The following MSI2 variants were observed in gnomAD, a reference collection of about 807,000 sequenced individuals.
The protein encoded by MSI2 is musashi RNA binding protein 2, also known as RNA-binding protein Musashi homolog 2.
Under a neutral mutation model 45.6 loss-of-function variants are expected in MSI2, and 17 were observed. The observed-to-expected ratio is 0.37, with a 90% CI of 0.26 to 0.56. The LOEUF is 0.56. Among genes scored for constraint, MSI2 ranks in the 20% least tolerant of loss-of-function variants. The pLI is 0.77. For synonymous variants in MSI2, 156 were observed against 158.2 expected (o/e 0.99, Z 0.11); for missense variants, 293 against 444.2 (o/e 0.66, Z 3.06).
At chr17:57,355,339 ATTGGCC>A (rs1916336487) in intron 5 of MSI2, among the ~76,000 whole-genome samples, 1 of 152,148 alleles carries the variant, frequency 6.6e-6, no homozygotes, top group South Asian at 2.1e-4. Context: ...AAGTTCCCTG[ATTGGCC>A]TTGCTTAGGT....
intron 10 of MSI2, among the ~76,000 whole-genome samples, chr17:57,649,224 A>G (rs1456332341): frequency 6.6e-6 from 1 of 151,990 alleles, no homozygotes; most frequent in East Asian, 1.9e-4. Context: ...ACACACACCC[A>G]ATACATACAT....
intron 6 of MSI2, among the ~76,000 whole-genome samples, chr17:57,446,228 C>T (rs1234899092): frequency 6.6e-6 from 1 of 152,072 alleles, no homozygotes; most frequent in African/African-American, 2.4e-5. Context: ...CATCCAAGGA[C>T]AGGGAGAACG....
chr17:57,365,344 C>T (rs1211513547), intron 5 of MSI2, among the ~76,000 whole-genome samples: 1 of 152,198 alleles, frequency 6.6e-6, no homozygotes, highest in Non-Finnish European at 1.5e-5. Flanking sequence ...GTTATTTCAT[C>T]CATTCGTTTG....
chr17:57,524,633 G>T (rs1000449092), intron 6 of MSI2, among the ~76,000 whole-genome samples: 3 of 152,204 alleles, frequency 2.0e-5, no homozygotes, highest in Non-Finnish European at 4.4e-5. Flanking sequence ...TTCATCGGGT[G>T]CAGGGCAAGT....
chr17:57,302,064 C>G (rs1598093010), intron 5 of MSI2, among the ~76,000 whole-genome samples: 1 of 152,188 alleles, frequency 6.6e-6, no homozygotes, highest in African/African-American at 2.4e-5. Flanking sequence ...CTAGCATTTC[C>G]CTAATCACTA....
intron 5 of MSI2, among the ~76,000 whole-genome samples, chr17:57,304,361 A>G (rs1327446468): frequency 6.7e-6 from 1 of 150,290 alleles, no homozygotes; most frequent in Non-Finnish European, 1.5e-5. Context: ...TGTCTCCAAA[A>G]AAAAAAAAAA....
chr17:57,343,322 CTT>C (rs555791940), intron 5 of MSI2, among the ~76,000 whole-genome samples: 17 of 142,468 alleles, frequency 1.2e-4, no homozygotes, highest in Admixed American at 7.0e-5. Flanking sequence ...CTCCCTTTTG[CTT>C]TTTTTTTTTT....
intron 5 of MSI2, among the ~76,000 whole-genome samples, chr17:57,327,117 T>G (rs1340544509): frequency 6.6e-6 from 1 of 152,106 alleles, no homozygotes; most frequent in Non-Finnish European, 1.5e-5. Flanking sequence ...TCTAAAAAGA[T>G]GACAAACCAC....
Position 57,684,274 on chromosome 17 carries a change from A to C in MSI2, c.*4757A>C, listed in dbSNP as rs1334515601. On this transcript the variant is annotated 3_prime_UTR_variant, in exon 14 of 14. Transcript: ENST00000284073. The stretch of plus-strand genomic sequence containing the variant: ...GTTCATGGTGTATTGTAAACTCCGA[A>C]TTCCATATGTAATAGGATGCAAGTC... 1.5e-5 allele frequency: 3 copies of C among 203,654 alleles called. No homozygotes were observed. Among genetic ancestry groups the C allele is most frequent in the Non-Finnish European group, 2.0e-5 (2 of 99,252 alleles). The allele number at this position is 203,654 out of a possible 1,614,324, so 12.6% of individuals were successfully genotyped here.
intron 6 of MSI2, among the ~76,000 whole-genome samples, chr17:57,412,885 G>C (rs2084222982): frequency 6.6e-6 from 1 of 152,210 alleles, no homozygotes; most frequent in South Asian, 2.1e-4. Context: ...CCTTGGGCAG[G>C]TCATTTAACT....
At chr17:57,405,161 T>A (rs983168481) in intron 6 of MSI2, among the ~76,000 whole-genome samples, 2 of 152,148 alleles carry the variant, frequency 1.3e-5, no homozygotes, top group East Asian at 1.9e-4. Flanking sequence ...GATGGGTTGT[T>A]CCTTTGCTGG....
At chr17:57,609,002 C>T (rs1906958063) in intron 8 of MSI2, among the ~76,000 whole-genome samples, 1 of 152,172 alleles carries the variant, frequency 6.6e-6, no homozygotes, top group Non-Finnish European at 1.5e-5. Context: ...GTATGTGTGA[C>T]ATGTGGTCTC....
chr17:57,630,772 C>T (rs1909293415), intron 10 of MSI2: 1 of 152,266 alleles, frequency 6.6e-6, no homozygotes, highest in South Asian at 2.1e-4. Flanking sequence ...CCCTCTAGAA[C>T]CAAACTTGAT....
chr17:57,676,233 C>T (rs186144278), intron 12 of MSI2, among the ~76,000 whole-genome samples: 41 of 152,326 alleles, frequency 2.7e-4, no homozygotes, highest in Admixed American at 1.7e-3. Context: ...CTCACACGCA[C>T]GCATGCATGC....
At chr17:57,633,515 G>A (rs1909592393) in intron 10 of MSI2, among the ~76,000 whole-genome samples, 1 of 152,262 alleles carries the variant, frequency 6.6e-6, no homozygotes, top group African/African-American at 2.4e-5. Flanking sequence ...CTAGGTGTGT[G>A]CGCCGTCTTA....
At chr17:57,657,753 C>A (rs1911707943) in intron 11 of MSI2, among the ~76,000 whole-genome samples, 1 of 152,166 alleles carries the variant, frequency 6.6e-6, no homozygotes, top group Non-Finnish European at 1.5e-5. Flanking sequence ...AAGATAGTGT[C>A]CCACATACAC....
At chr17:57,585,701 C>T (rs1026605661) in intron 7 of MSI2, among the ~76,000 whole-genome samples, 9 of 152,156 alleles carry the variant, frequency 5.9e-5, no homozygotes, top group African/African-American at 1.2e-4. Context: ...GGGTACCAAC[C>T]CAAAAACCCA....
At chr17:57,367,336 TATTAACTCAGTAG>T (rs1167087345) in intron 5 of MSI2, among the ~76,000 whole-genome samples, 1 of 152,194 alleles carries the variant, frequency 6.6e-6, no homozygotes, top group African/African-American at 2.4e-5. Flanking sequence ...ACAAGTGGAA[TATTAACTCAGTAG>T]ATGGGGGAGG....
intron 6 of MSI2, among the ~76,000 whole-genome samples, chr17:57,436,147 G>A (rs1049393568): frequency 1.3e-5 from 2 of 152,188 alleles, no homozygotes; most frequent in African/African-American, 4.8e-5. Flanking sequence ...TAGTGGTTCC[G>A]AGCTTTGGAA....
Sources: gnomAD v4.1 joint callset for allele counts (sites outside exome capture counted in the v4.1 genomes callset) on GRCh38, gnomAD v4.1.1 for gene constraint, MANE v1.5 for transcripts, NCBI Gene and HGNC (gene_info 2026-07-23, HGNC 2026-07-21) for gene names.